MUS81: variants seen among roughly 807,000 people sequenced by gnomAD.
MUS81 encodes structure-specific endonuclease subunit MUS81.
Under a neutral mutation model 74.2 loss-of-function variants are expected in MUS81, and 69 were observed. The ratio of observed to expected loss-of-function variants is 0.93; its 90% CI spans 0.77 to 1.14. MUS81 has a LOEUF of 1.14. MUS81 is among the 50% of genes most tolerant of loss of function. MUS81 has a pLI of 0.00. For synonymous variants in MUS81, 303 were observed against 300.6 expected, an observed-to-expected ratio of 1.01 and a Z score of -0.08; for missense variants, 711 against 726.5, an observed-to-expected ratio of 0.98 and a Z score of 0.25.
intron 6 of MUS81, 28 bp from the exon 7 acceptor site, chr11:65,863,037 G>A (rs374094246): frequency 2.5e-6 from 4 of 1,613,502 alleles, no homozygotes; most frequent in African/African-American, 1.3e-5. Context: ...GAAGAAGGTA[G>A]AGCTGTGTTG....
chr11:65,860,485 A>T lies in MUS81; in HGVS notation c.-269A>T. On this transcript the variant is annotated 5_prime_UTR_variant, in exon 1 of 16. The change creates a new upstream start codon in the 5' untranslated region. Coordinates refer to ENST00000308110, the MANE Select transcript of MUS81 (RefSeq NM_025128.5). ...GGGGCTGGGAAAGGGCGCGTCTCAAAGGCTGGCTGGAGTGGAGCCAAGGGA... is the reference window on the plus strand; with the variant it reads ...GGGGCTGGGAAAGGGCGCGTCTCAATGGCTGGCTGGAGTGGAGCCAAGGGA... 1.8e-6 allele frequency: 1 copy of T among 564,776 alleles called. No individual in the cohort carries two copies. The highest frequency in any genetic ancestry group is 3.2e-6 in the Non-Finnish European group (1 of 312,014). The allele number at this position is 564,776 out of a possible 1,614,324, so 35.0% of individuals were successfully genotyped here.
chr11:65,864,130 CCT>C lies in MUS81; in HGVS notation c.1059+232_1059+233del, dbSNP rs1452216204. 9 of 602,298 alleles carry C rather than the reference CCT, an allele frequency of 1.5e-5. No individual in the cohort carries two copies. In the East Asian group the frequency reaches 1.9e-4, roughly 13 times the overall value. The allele number at this position is 602,298 out of a possible 1,614,324, so 37.3% of individuals were successfully genotyped here. A position where few individuals can be genotyped will look rare whatever the true frequency, so the allele number is the denominator to read the frequency against. ...GCTGAGGTCAGGAGCATTTTAAAGA[CCT>C]CTTGGGTACCCAGCCCCTGCAGTCT... On this transcript the variant is annotated intron_variant, in intron 10 of 15. Coordinates refer to ENST00000308110, the MANE Select transcript of MUS81 (RefSeq NM_025128.5).
intron 5 of MUS81, 63 bp from the exon 6 acceptor site, chr11:65,862,381 A>C (rs1859640752): frequency 6.3e-7 from 1 of 1,589,482 alleles, no homozygotes; most frequent in Non-Finnish European, 8.6e-7. Context: ...GGCTGGGGAC[A>C]CAGGGAACAT....
intron 12 of MUS81, 83 bp downstream of exon 12, chr11:65,864,898 A>C (rs1388660766): frequency 2.7e-5 from 42 of 1,579,512 alleles, no homozygotes; most frequent in Non-Finnish European, 3.5e-5. Context: ...CCCCAAAAGA[A>C]GCAAGGTGGG....
rs1362106787 is a variant in MUS81 at position 65,862,249 on chromosome 11, G to A, written c.489G>A (p.Leu163=). The change falls in exon 5 of 16, where the codon CTG becomes CTA. Residue 163 remains leucine (L), a synonymous_variant. Coordinates refer to ENST00000308110, the MANE Select transcript of MUS81 (RefSeq NM_025128.5). ...ACCACTTCTTAACCAAGGAGGAGCTGCTGCAGAGGTGTGCTCAGAAGTCCC... is the reference window on the plus strand; with the variant it reads ...ACCACTTCTTAACCAAGGAGGAGCTACTGCAGAGGTGTGCTCAGAAGTCCC... The part of the protein sequence containing the change: ...NGHHFLTKEE[L]LQRCAQKSPR... 3 of 1,613,690 alleles carry A rather than the reference G, an allele frequency of 1.9e-6. No individual in the cohort carries two copies. In the African/African-American group the frequency reaches 4.0e-5, roughly 22 times the overall value.
chr11:65,860,866 G>T lies in MUS81; in HGVS notation c.113G>T (p.Arg38Leu), dbSNP rs756567160. ...GACGAGGCGACCCGCAGCAGGCGCCGCACGCGCTTCGTATTTCAGAAGGTG... is the reference window on the plus strand; with the variant it reads ...GACGAGGCGACCCGCAGCAGGCGCCTCACGCGCTTCGTATTTCAGAAGGTG... ...WRDEATRSRR[R>L]TRFVFQKALR... Residue 38 changes from arginine to leucine, a missense_variant, in exon 1 of 16, where the codon CGC becomes CTC. Arg to Leu is a moderately radical substitution (Grantham distance 102, BLOSUM62 -2). Transcript: ENST00000308110. 30 of 1,554,852 alleles carry T rather than the reference G, an allele frequency of 1.9e-5. No homozygotes were observed. The highest frequency in any genetic ancestry group is 2.5e-5 in the Non-Finnish European group (29 of 1,152,670).
downstream of MUS81, chr11:65,866,784 G>T: frequency 8.6e-7 from 1 of 1,167,902 alleles, no homozygotes; most frequent in South Asian, 1.3e-5. Flanking sequence ...CCCAGCCTGA[G>T]GCTTCCTGCA....
rs1859839392 is a variant in MUS81 at position 65,866,430 on chromosome 11, T to C, written c.*378T>C. The C allele has an allele frequency of 3.0e-6, 2 of 655,924 alleles. No homozygotes were observed. Among genetic ancestry groups the C allele is most frequent in the African/African-American group, 1.8e-5 (1 of 54,792 alleles). 40.6% of individuals were successfully genotyped at this position (655,924 alleles called of 1,614,324 possible). A position where few individuals can be genotyped will look rare whatever the true frequency, so the allele number is the denominator to read the frequency against. ...AAATAAAACTTCCTAAAAGAAAAGA[T>C]TGAAAACCACTAACAGTCCAGTTGC... is the stretch of plus-strand genomic sequence containing the variant. On this transcript the variant is annotated 3_prime_UTR_variant, in exon 16 of 16. Coordinates refer to ENST00000308110, the MANE Select transcript of MUS81 (RefSeq NM_025128.5).
Position 65,864,510 on chromosome 11 carries a change from G to A in MUS81, c.1073G>A (p.Arg358His), listed in dbSNP as rs771444715. The A allele has an allele frequency of 1.1e-5, 18 of 1,613,942 alleles. No individual in the cohort carries two copies. The highest frequency in any genetic ancestry group is 6.7e-5 in the East Asian group (3 of 44,888). ...RFREQKFRLK[R>H]CGLERRVYLV... ...ACACTTCCCTAGTTCCGGCTGAAGCGCTGTGGTCTGGAGCGCCGGGTATAC... is the reference window on the plus strand; with the variant it reads ...ACACTTCCCTAGTTCCGGCTGAAGCACTGTGGTCTGGAGCGCCGGGTATAC... The change falls in exon 11 of 16, where the codon CGC becomes CAC. Residue 358 changes from arginine to histidine, a missense_variant. By Grantham distance (29) the Arg-to-His change is conservative. Transcript: ENST00000308110.
At position 65,864,565 on chromosome 11, in the gene MUS81, C is replaced by G. The variant is rs1239808814; in HGVS notation, c.1128C>G (p.Asn376Lys). The G allele has an allele frequency of 6.2e-7, 1 of 1,614,068 alleles. No individual in the cohort carries two copies. Among genetic ancestry groups the G allele is most frequent in the East Asian group, 2.2e-5 (1 of 44,890 alleles). ...YLVEEHGSVH[N>K]LSLPESTLLQ... is the part of the protein sequence containing the mutation. ...TGGAAGAGCATGGTTCCGTCCACAA[C>G]CTCAGCCTTCCTGAGAGCACACTGC... is the stretch of plus-strand genomic sequence containing the variant. The change falls in exon 11 of 16, where the codon AAC becomes AAG. Residue 376 changes from asparagine (N) to lysine (K), a missense_variant. Physicochemically the swap from Asn to Lys is moderately conservative, Grantham distance 94. Transcript: ENST00000308110.
In MUS81 at chr11:65,863,579, C is replaced by T. The variant is rs1591058414; in HGVS notation, c.840-21C>T. 4 of 1,613,972 alleles carry T rather than the reference C, an allele frequency of 2.5e-6. No individual in the cohort carries two copies. In the East Asian group the frequency reaches 6.7e-5, roughly 27 times the overall value. The stretch of plus-strand genomic sequence containing the variant: ...AGGCACTGCCCTGCTCTGATCTAGG[C>T]TTCCCTCCTTGCCACTCCAGGGGCG... On this transcript the variant is annotated intron_variant, in intron 8 of 15. Transcript: ENST00000308110.
At chr11:65,864,652 C>A in intron 11 of MUS81, 39 bp downstream of exon 11, 1 of 1,612,158 alleles carries the variant, frequency 6.2e-7, no homozygotes, top group Non-Finnish European at 8.5e-7. Flanking sequence ...CAGGCAGGGG[C>A]CCCTGTGGTC....
chr11:65,863,227 T>G (rs538394), intron 7 of MUS81, 22 bp downstream of exon 7: 1,004,983 of 1,600,808 alleles, frequency 0.63, 326,032 homozygotes, highest in Middle Eastern at 0.7. Flanking sequence ...GGCAGAGGAG[T>G]GGGGAAAACA....
Position 65,860,888 on chromosome 11 carries a change from G to T in MUS81, c.135G>T (p.Lys45Asn), listed in dbSNP as rs748185214. ...GCCGCACGCGCTTCGTATTTCAGAA[G>T]GTGGGTCCTGGCGTGGCCCGATGGG... is the stretch of plus-strand genomic sequence containing the variant. ...SRRRTRFVFQ[K>N]ALRSLRRYPL... The change falls in exon 1 of 16, where the codon AAG (lysine) becomes AAT (asparagine). Residue 45 changes from lysine to asparagine, a missense_variant and splice_region_variant. By Grantham distance (94) the Lys-to-Asn change is moderately conservative. Coordinates refer to ENST00000308110, the MANE Select transcript of MUS81 (RefSeq NM_025128.5). The T allele has an allele frequency of 2.5e-5, 40 of 1,592,300 alleles. No homozygotes were observed. Among genetic ancestry groups the T allele is most frequent in the Non-Finnish European group, 8.5e-7 (1 of 1,171,934 alleles).
chr11:65,861,309 G>T, intron 2 of MUS81, 41 bp from the exon 3 acceptor site: 1 of 1,559,944 alleles, frequency 6.4e-7, no homozygotes, highest in Non-Finnish European at 8.7e-7. Context: ...CGCAGCTGCC[G>T]GATTCGTGGA....
In MUS81 at chr11:65,865,304, C is replaced by A. The variant is rs746829652; in HGVS notation, c.1486C>A (p.Arg496=). The change falls in exon 14 of 16, where the codon CGA becomes AGA. Residue 496 remains arginine, a synonymous_variant. Coordinates refer to ENST00000308110, the MANE Select transcript of MUS81 (RefSeq NM_025128.5). The stretch of plus-strand genomic sequence containing the variant: ...GGAGAAGGCAGCAGCCCTGGTGGAT[C>A]GATACAGCACCCCTGCCAGGTAGGC... The part of the protein sequence containing the change: ...SGEKAAALVD[R]YSTPASLLAA... 9.3e-6 allele frequency: 15 copies of A among 1,613,820 alleles called. No homozygotes were observed. In the South Asian group the frequency reaches 1.2e-4, roughly 13 times the overall value.
intron 6 of MUS81, 39 bp from the exon 7 acceptor site, chr11:65,863,026 T>G: frequency 6.2e-7 from 1 of 1,612,330 alleles, no homozygotes; most frequent in South Asian, 1.1e-5. Flanking sequence ...CAGGAATGAG[T>G]GAAGAAGGTA....
chr11:65,860,603 T>G lies in MUS81; in HGVS notation c.-151T>G. The G allele has an allele frequency of 1.9e-6, 2 of 1,059,702 alleles. No homozygotes were observed. The highest frequency in any genetic ancestry group is 2.8e-6 in the Non-Finnish European group (2 of 726,458). The allele number at this position is 1,059,702 out of a possible 1,614,324, so 65.6% of individuals were successfully genotyped here. A position where few individuals can be genotyped will look rare whatever the true frequency, so the allele number is the denominator to read the frequency against. On this transcript the variant is annotated 5_prime_UTR_variant, in exon 1 of 16. Transcript: ENST00000308110. ...AGGCTCTCCTCTCGTTAGTGCCCCC[T>G]GTGTTTGGGGCCCCGTGATCTCAAC...
intron 10 of MUS81, 113 bp downstream of exon 10, chr11:65,864,014 C>A: frequency 9.9e-7 from 1 of 1,007,382 alleles, no homozygotes; most frequent in Non-Finnish European, 1.5e-6. Flanking sequence ...CCTTTGGAAT[C>A]CAGCCACACC....
Sources: allele counts gnomAD v4.1 joint callset, GRCh38; gene constraint gnomAD v4.1.1; transcripts MANE v1.5; gene names NCBI Gene and HGNC (gene_info 2026-07-23, HGNC 2026-07-21).